Variants in FCHO1 observed in about 807,000 individuals in gnomAD.
FCHO1 encodes FCH and mu domain containing endocytic adaptor 1.
A neutral mutation model predicts 114.4 loss-of-function variants in FCHO1; 45 were observed. The ratio of observed to expected loss-of-function variants is 0.39; its 90% confidence interval spans 0.31 to 0.50. FCHO1 has a LOEUF of 0.50. FCHO1 is among the 20% of genes least tolerant of loss of function. The pLI, the probability that FCHO1 is intolerant of heterozygous loss-of-function variation, is 0.77. For synonymous variants in FCHO1, 480 were observed against 488.9 expected, an observed-to-expected ratio of 0.98 and a Z score of 0.24; for missense variants, 1,042 against 1,209.6, an observed-to-expected ratio of 0.86 and a Z score of 2.06.
Position 17,776,829 on chromosome 19 carries a change from A to T in FCHO1, c.1259+143A>T. ...TTTGTTTTTGTTTTTGTTTTGAGAC[A>T]GAGTCTCACTCTGTCACCCAGGCTG... On this transcript the variant is annotated intron_variant, in intron 18 of 28. Coordinates refer to ENST00000596536, the MANE Select transcript of FCHO1 (RefSeq NM_015122.3). The surrounding 1 kb of genome is among the most constrained non-coding windows in gnomAD (Gnocchi z 4.4). The T allele has an allele frequency of 1.3e-6, 1 of 760,802 alleles. No individual in the cohort carries two copies. Among genetic ancestry groups the T allele is most frequent in the Non-Finnish European group, 2.1e-6 (1 of 466,842 alleles). 47.1% of individuals were successfully genotyped at this position (760,802 alleles called of 1,614,324 possible).
chr19:17,787,370 C>G (rs2094000376), intron 27 of FCHO1, among the ~76,000 whole-genome samples: 1 of 150,220 alleles, frequency 6.7e-6, no homozygotes, highest in South Asian at 2.1e-4. Flanking sequence ...ATGATTGCAC[C>G]ACTATACTCC....
chr19:17,766,350 C>T (rs1465983714), intron 6 of FCHO1, among the ~76,000 whole-genome samples: 1 of 151,786 alleles, frequency 6.6e-6, no homozygotes, highest in East Asian at 1.9e-4. Flanking sequence ...GTTGCTCAGG[C>T]TGGTCTGGAA....
Position 17,787,175 on chromosome 19 carries a change from G to T in FCHO1, c.2483-507G>T, listed in dbSNP as rs144630132. 7.2e-3 allele frequency among the ~76,000 whole-genome samples: 971 copies of T among 135,796 alleles called. 11 individuals carry two copies. Among genetic ancestry groups the T allele is most frequent in the African/African-American group, 0.024 (902 of 37,028 alleles). The allele number at this position is 135,796 out of a possible 152,430, so 89.1% of individuals were successfully genotyped here. A position where few individuals can be genotyped will look rare whatever the true frequency, so the allele number is the denominator to read the frequency against. ...GTAGGTGAAGGTTGTAGTGAGCCGAGATCGTGCCACTGCACTCCAGCCAGG... is the reference window on the plus strand; with the variant it reads ...GTAGGTGAAGGTTGTAGTGAGCCGATATCGTGCCACTGCACTCCAGCCAGG... On this transcript the variant is annotated intron_variant, in intron 27 of 28. Coordinates refer to ENST00000596536, the MANE Select transcript of FCHO1 (RefSeq NM_015122.3).
At chr19:17,771,216 T>A (rs1365495912) in intron 9 of FCHO1, among the ~76,000 whole-genome samples, 1 of 151,574 alleles carries the variant, frequency 6.6e-6, no homozygotes, top group East Asian at 2.0e-4. Context: ...CGAGCCATTG[T>A]ACTCCAGGTT....
chr19:17,769,883 G>A (rs2073203344), intron 7 of FCHO1, among the ~76,000 whole-genome samples: 1 of 152,064 alleles, frequency 6.6e-6, no homozygotes, highest in Admixed American at 6.6e-5. Flanking sequence ...AAACGTACAG[G>A]CCGGGCGTAG....
Position 17,776,493 on chromosome 19 carries a change from G to C in FCHO1, c.1208-142G>C. On this transcript the variant is annotated intron_variant, in intron 17 of 28. Transcript: ENST00000596536. This position sits in a 1 kb window ranked among gnomAD's most constrained non-coding sequence, Gnocchi z 4.4. The stretch of plus-strand genomic sequence containing the variant: ...TAGCATCTGGAGACAGGCTCGCTTA[G>C]GCTTGAATCCATGTCTGCCTGATTT... The C allele has an allele frequency of 9.3e-7, 1 of 1,075,780 alleles. No individual in the cohort carries two copies. 66.6% of individuals were successfully genotyped at this position (1,075,780 alleles called of 1,614,324 possible).
At chr19:17,750,540 C>G (rs2081625686), upstream of FCHO1, among the ~76,000 whole-genome samples, 1 of 152,108 alleles carries the variant, frequency 6.6e-6, no homozygotes, top group Admixed American at 6.6e-5. Context: ...CTCACTGCAA[C>G]CTCCATCTCC....
Position 17,762,871 on chromosome 19 carries a change from C to T in FCHO1, c.119+18C>T. On this transcript the variant is annotated intron_variant, in intron 5 of 28. Transcript: ENST00000596536. ...CGGGAGAGGTGAGGTCCCCAAGCCCCATCCACCAGAGGCCACGCCCACCAT... is the reference window on the plus strand; with the variant it reads ...CGGGAGAGGTGAGGTCCCCAAGCCCTATCCACCAGAGGCCACGCCCACCAT... 1 of 1,568,478 alleles carries T rather than the reference C, an allele frequency of 6.4e-7. No homozygotes were observed. Among genetic ancestry groups the T allele is most frequent in the East Asian group, 2.2e-5 (1 of 44,666 alleles).
At chr19:17,762,143 G>A (rs1162680907) in intron 4 of FCHO1, among the ~76,000 whole-genome samples, 1 of 151,882 alleles carries the variant, frequency 6.6e-6, no homozygotes, top group African/African-American at 2.4e-5. Flanking sequence ...GCGCCACCAC[G>A]CCTGGCTAAT....
chr19:17,768,646 A>T (rs2090257082), intron 7 of FCHO1, among the ~76,000 whole-genome samples: 1 of 151,052 alleles, frequency 6.6e-6, no homozygotes, highest in Non-Finnish European at 1.5e-5. Context: ...GTCAGTTGAG[A>T]TCGCGACACA....
At chr19:17,760,034 C>G (rs1192990735) in intron 4 of FCHO1, among the ~76,000 whole-genome samples, 2 of 134,356 alleles carry the variant, frequency 1.5e-5, no homozygotes, top group African/African-American at 5.6e-5. Flanking sequence ...TGTTGTGTCT[C>G]CTGTTTTGCC....
At position 17,759,226 on chromosome 19, in the gene FCHO1, C is replaced by CTTTTTT. The variant is rs1473282318; in HGVS notation, c.28-3527_28-3522dup. 7.6e-5 allele frequency among the ~76,000 whole-genome samples: 8 copies of CTTTTTT among 105,916 alleles called. 1 individual carries two copies. The highest frequency in any genetic ancestry group is 2.5e-4 in the Admixed American group (2 of 7,972). 69.5% of individuals were successfully genotyped at this position (105,916 alleles called of 152,430 possible). ...GTTCCCTCAGACCCCAGCTGATTAC[C>CTTTTTT]TTTTTTTTTTTTTTGAGACAGAGTC... On this transcript the variant is annotated intron_variant, in intron 4 of 28. Transcript: ENST00000596536.
intron 11 of FCHO1, among the ~76,000 whole-genome samples, chr19:17,773,348 G>T (rs2092041243): frequency 6.6e-6 from 1 of 152,250 alleles, no homozygotes. Context: ...AGGGCAAAGG[G>T]TGTGCCAGGC....
rs984227339 is a variant in FCHO1 at position 17,774,768 on chromosome 19, T to G, written c.921-288T>G. ...TGCCCAAGCTGGCCCAGGATTGTTC[T>G]GTTTGCCAAGGCTAGCCCCGACTTT... is the stretch of plus-strand genomic sequence containing the variant. On this transcript the variant is annotated intron_variant, in intron 13 of 28. Coordinates refer to ENST00000596536, the MANE Select transcript of FCHO1 (RefSeq NM_015122.3). 1.2e-5 allele frequency: 7 copies of G among 582,966 alleles called. No homozygotes were observed. The African/African-American group carries it at 1.3e-4, about 11-fold the overall frequency. The allele number at this position is 582,966 out of a possible 1,614,324, so 36.1% of individuals were successfully genotyped here.
At chr19:17,782,396 G>T (rs551382982) in intron 23 of FCHO1, among the ~76,000 whole-genome samples, 1 of 152,132 alleles carries the variant, frequency 6.6e-6, no homozygotes, top group Non-Finnish European at 1.5e-5. Flanking sequence ...TAGAGACAGG[G>T]TTTCACCATG....
rs769252188 is a variant in FCHO1, at chr19:17,766,517, C to T, written c.195-152C>T. On this transcript the variant is annotated intron_variant, in intron 6 of 28. Coordinates refer to ENST00000596536, the MANE Select transcript of FCHO1 (RefSeq NM_015122.3). ...TCAGTTTCCCCATCTGTCACAGGCC[C>T]GCCTCTTACAGCTGCCATGGAGATT... 5.2e-5 allele frequency: 53 copies of T among 1,011,462 alleles called. No individual in the cohort carries two copies. The African/African-American group carries it at 6.7e-4, about 13-fold the overall frequency. The allele number at this position is 1,011,462 out of a possible 1,614,324, so 62.7% of individuals were successfully genotyped here.
chr19:17,788,233 C>A, intron 28 of FCHO1, 51 bp from the exon 29 acceptor site: 1 of 1,153,642 alleles, frequency 8.7e-7, no homozygotes. Flanking sequence ...CGGGGAACCC[C>A]TCCCGTACCC....
At chr19:17,770,311 A>G (rs1255562073) in intron 7 of FCHO1, 114 bp from the exon 8 acceptor site, 1 of 1,184,440 alleles carries the variant, frequency 8.4e-7, no homozygotes, top group Non-Finnish European at 1.1e-6. Context: ...AAAAAAAACC[A>G]AACCAAAACA....
chr19:17,762,588 G>T, intron 4 of FCHO1, 174 bp from the exon 5 acceptor site: 1 of 614,642 alleles, frequency 1.6e-6, no homozygotes. Flanking sequence ...ACAAATTTAA[G>T]GTCCATAGAC....
Sources: allele counts gnomAD v4.1 joint callset (sites outside exome capture counted in the v4.1 genomes callset), GRCh38; gene constraint gnomAD v4.1.1; non-coding constraint Gnocchi (gnomAD v3.1); transcripts MANE v1.5; gene names NCBI Gene and HGNC (gene_info 2026-07-23, HGNC 2026-07-21).